The following WDR17 variants were observed in gnomAD, a reference collection of about 807,000 sequenced individuals.
The protein encoded by WDR17 is WD repeat domain 17, also known as WD repeat-containing protein 17.
WDR17 carries 143 observed loss-of-function variants against 161.7 expected under a neutral mutation model. The observed-to-expected ratio is 0.88, with a 90% CI of 0.77 to 1.02. The LOEUF (loss-of-function observed/expected upper bound fraction) is 1.02. Ranked by LOEUF, WDR17 falls within the 50% of genes least tolerant of loss-of-function variation. The pLI is 0.00. For missense variants in WDR17, 1,469 were observed against 1,520.9 expected (o/e 0.97, Z 0.57); for synonymous variants, 517 against 515.6 (o/e 1.00, Z -0.04).
Position 176,176,597 on chromosome 4 carries a change from A to T in WDR17, c.3450-461A>T, listed in dbSNP as rs1364130192. Among the ~76,000 whole-genome samples the T allele has an allele frequency of 6.6e-5, 10 of 152,334 alleles. No homozygotes were observed. In the East Asian group the frequency reaches 1.9e-3, roughly 29 times the overall value. ...GCGTACTCTTCAAACTCCTATGTGTATATTCAGCAGCTTGCTAAACTCCAG... is the reference window on the plus strand; with the variant it reads ...GCGTACTCTTCAAACTCCTATGTGTTTATTCAGCAGCTTGCTAAACTCCAG... On this transcript the variant is annotated intron_variant, in intron 26 of 28. Coordinates refer to ENST00000508596, the MANE Select transcript of WDR17 (RefSeq NM_181265.4).
At chr4:176,102,245 T>A (rs752674740) in intron 1 of WDR17, among the ~76,000 whole-genome samples, 3 of 152,152 alleles carry the variant, frequency 2.0e-5, no homozygotes, top group Non-Finnish European at 4.4e-5. Flanking sequence ...TCATGACAAG[T>A]GAGCATGTGA....
At chr4:176,171,853 T>G (rs1750777583) in intron 23 of WDR17, among the ~76,000 whole-genome samples, 1 of 152,144 alleles carries the variant, frequency 6.6e-6, no homozygotes, top group South Asian at 2.1e-4. Context: ...TTTCATGGCA[T>G]TTCAAAATGT....
In WDR17 at chr4:176,146,057, C is replaced by G; in HGVS notation, c.1592C>G (p.Ser531Ter). Residue 531 changes from serine to a stop codon, truncating the protein, a stop_gained, in exon 12 of 29, where the codon TCA (serine) becomes TGA (stop). Coordinates refer to ENST00000508596, the MANE Select transcript of WDR17 (RefSeq NM_181265.4). LOFTEE classifies it high-confidence loss of function. Reference sequence around the variant, plus strand: ...CGTGTTTATTATGTAGCCACCAGCTCAGATCAACCATTGAAAGTATTTAGT... The same window carrying G: ...CGTGTTTATTATGTAGCCACCAGCTGAGATCAACCATTGAAAGTATTTAGT... ...NVRVYYVATSSDQPLKVFSGH... is the reference protein window; with the variant it reads ...NVRVYYVATS The G allele has an allele frequency of 6.2e-7, 1 of 1,613,994 alleles. No homozygotes were observed. The highest frequency in any genetic ancestry group is 2.2e-5 in the East Asian group (1 of 44,842).
chr4:176,174,964 A>G (rs999911198), intron 26 of WDR17, among the ~76,000 whole-genome samples: 2 of 152,266 alleles, frequency 1.3e-5, no homozygotes, highest in African/African-American at 4.8e-5. Flanking sequence ...CACTTGAGAC[A>G]GGCTTTCTAA....
chr4:176,083,045 C>T (rs893097819), intron 1 of WDR17, among the ~76,000 whole-genome samples: 6 of 151,942 alleles, frequency 3.9e-5, no homozygotes, highest in Non-Finnish European at 1.5e-5. Flanking sequence ...TCTTAGAAAA[C>T]CAAATTATAT....
In WDR17 at chr4:176,131,616, C is replaced by G; in HGVS notation, c.976C>G (p.Pro326Ala). 6.2e-7 allele frequency: 1 copy of G among 1,613,496 alleles called. No homozygotes were observed. Among genetic ancestry groups the G allele is most frequent in the Non-Finnish European group, 8.5e-7 (1 of 1,179,704 alleles). ...TSSTSEAVPP[P>A]TLTQNQAFSL... Reference sequence around the variant, plus strand: ...CTCAACAAGCGAAGCAGTTCCACCCCCAACTTTAACACAGAATCAAGCATT... The same window carrying G: ...CTCAACAAGCGAAGCAGTTCCACCCGCAACTTTAACACAGAATCAAGCATT... The change falls in exon 7 of 29, where the codon CCA becomes GCA. Residue 326 changes from proline (P) to alanine (A), a missense_variant. Coordinates refer to ENST00000508596, the MANE Select transcript of WDR17 (RefSeq NM_181265.4).
intron 1 of WDR17, chr4:176,096,548 G>A: frequency 6.3e-7 from 1 of 1,599,120 alleles, no homozygotes; most frequent in African/African-American, 1.4e-5. Flanking sequence ...ATTTCAAATT[G>A]GTTTGAGCAA....
At chr4:176,148,872 T>C (rs1008252188) in intron 13 of WDR17, among the ~76,000 whole-genome samples, 5 of 152,200 alleles carry the variant, frequency 3.3e-5, no homozygotes, top group African/African-American at 1.2e-4. Flanking sequence ...TTCACTCTCA[T>C]TCTTGTTTGT....
chr4:176,105,802 G>A (rs2126674708), intron 1 of WDR17, among the ~76,000 whole-genome samples: 1 of 151,544 alleles, frequency 6.6e-6, no homozygotes. Flanking sequence ...TACAACTTAA[G>A]GAACTAACAA....
Position 176,141,929 on chromosome 4 carries a change from G to T in WDR17, c.1443-54G>T. The T allele has an allele frequency of 2.3e-6, 3 of 1,314,274 alleles. No homozygotes were observed. In the South Asian group the frequency reaches 4.3e-5, roughly 19 times the overall value. 81.4% of individuals were successfully genotyped at this position (1,314,274 alleles called of 1,614,324 possible). On this transcript the variant is annotated intron_variant, in intron 10 of 28. Coordinates refer to ENST00000508596, the MANE Select transcript of WDR17 (RefSeq NM_181265.4). ...TTTACAATTCTGACTTTGTTTCCTT[G>T]AATAATGTATTTAGAGTATTGTTTT... is the stretch of plus-strand genomic sequence containing the variant.
At chr4:176,066,640 G>C (rs1732565525) in intron 1 of WDR17, among the ~76,000 whole-genome samples, 1 of 152,120 alleles carries the variant, frequency 6.6e-6, no homozygotes, top group Non-Finnish European at 1.5e-5. Context: ...TGCAAAGATT[G>C]AAAGGAACAA....
chr4:176,175,538 ATTTGTTTGTTTG>A (rs146325115), intron 26 of WDR17, among the ~76,000 whole-genome samples: 30 of 150,158 alleles, frequency 2.0e-4, no homozygotes, highest in East Asian at 1.6e-3. Flanking sequence ...GCAGTCTTTT[ATTTGTTTGTTTG>A]TTTGTTTGTT....
intron 1 of WDR17, among the ~76,000 whole-genome samples, chr4:176,097,830 C>T (rs1019064573): frequency 8.6e-5 from 13 of 151,434 alleles, no homozygotes; most frequent in African/African-American, 1.2e-4. Flanking sequence ...AAGAAAAATG[C>T]TTTTTAATGA....
At chr4:176,107,962 T>C (rs1739053937) in intron 1 of WDR17, among the ~76,000 whole-genome samples, 1 of 138,480 alleles carries the variant, frequency 7.2e-6, no homozygotes, top group South Asian at 2.4e-4. Context: ...TTCCCTTTTG[T>C]CCCTTCCTTC....
chr4:176,144,339 G>A (rs73003449), intron 11 of WDR17, among the ~76,000 whole-genome samples: 5,133 of 152,200 alleles, frequency 0.034, 166 homozygotes, highest in African/African-American at 0.081. Flanking sequence ...CCTCTGAAAT[G>A]TAAGCCCTAT....
intron 1 of WDR17, among the ~76,000 whole-genome samples, chr4:176,097,366 A>G (rs1019349299): frequency 6.6e-6 from 1 of 152,030 alleles, no homozygotes; most frequent in African/African-American, 2.4e-5. Flanking sequence ...TGCCAATGAT[A>G]TACAGTACTT....
At chr4:176,123,759 T>G (rs1215292749) in intron 4 of WDR17, among the ~76,000 whole-genome samples, 1 of 152,118 alleles carries the variant, frequency 6.6e-6, no homozygotes, top group African/African-American at 2.4e-5. Context: ...TATAGAAGCT[T>G]TATTATATAG....
At chr4:176,152,781 A>G (rs1218566413) in intron 17 of WDR17, among the ~76,000 whole-genome samples, 1 of 150,490 alleles carries the variant, frequency 6.6e-6, no homozygotes, top group East Asian at 2.0e-4. Context: ...CTAAAAATAT[A>G]AAAATTAGCC....
chr4:176,115,426 G>A (rs1740445732), intron 2 of WDR17, among the ~76,000 whole-genome samples: 1 of 151,864 alleles, frequency 6.6e-6, no homozygotes, highest in Non-Finnish European at 1.5e-5. Context: ...CTTGATTCAA[G>A]TATAAGTGAA....
Sources: gnomAD v4.1 joint callset for allele counts (sites outside exome capture counted in the v4.1 genomes callset) on GRCh38, gnomAD v4.1.1 for gene constraint, MANE v1.5 for transcripts, NCBI Gene and HGNC (gene_info 2026-07-23, HGNC 2026-07-21) for gene names.